NTN1: variants seen among roughly 807,000 people sequenced by gnomAD.
NTN1 encodes netrin-1.
In NTN1, 11 loss-of-function variants were observed where a neutral mutation model predicts 54.2. That is an observed-to-expected ratio of 0.20 (90% confidence interval 0.13 to 0.34). The LOEUF is 0.34. Among genes scored for constraint, NTN1 ranks in the 10% least tolerant of loss-of-function variants. NTN1 has a pLI of 1.00. For missense variants in NTN1, 740 were observed against 893.1 expected (o/e 0.83, Z 2.18); for synonymous variants, 371 against 382.0 (o/e 0.97, Z 0.33).
chr17:9,099,842 A>T (rs1170768325), intron 2 of NTN1, among the ~76,000 whole-genome samples: 1 of 152,228 alleles, frequency 6.6e-6, no homozygotes, highest in Non-Finnish European at 1.5e-5. Flanking sequence ...CAAAAAATTA[A>T]ATCACCTTTT....
At chr17:9,051,767 C>A (rs1567698847) in intron 2 of NTN1, among the ~76,000 whole-genome samples, 1 of 152,128 alleles carries the variant, frequency 6.6e-6, no homozygotes. Context: ...CCAGACTGTA[C>A]AATAGATCTT....
chr17:9,223,664 C>T (rs866202499), intron 6 of NTN1, among the ~76,000 whole-genome samples: 6 of 152,222 alleles, frequency 3.9e-5, no homozygotes, highest in African/African-American at 1.4e-4. Flanking sequence ...GGCCATGGGG[C>T]AGGCCTCTCT....
chr17:9,059,648 G>T (rs1195420083), intron 2 of NTN1, among the ~76,000 whole-genome samples: 1 of 152,144 alleles, frequency 6.6e-6, no homozygotes. Context: ...GCCAGGGGCG[G>T]GAGGAAGGGG....
At chr17:9,083,689 C>G (rs573886488) in intron 2 of NTN1, among the ~76,000 whole-genome samples, 2 of 152,072 alleles carry the variant, frequency 1.3e-5, no homozygotes, top group South Asian at 2.1e-4. Context: ...GAACACCCAC[C>G]AAAGGATGAT....
In NTN1 at chr17:9,066,737, C is replaced by T. The variant is rs985180541; in HGVS notation, c.1018+43346C>T. On this transcript the variant is annotated intron_variant, in intron 2 of 6. Transcript: ENST00000173229. ...CGTTGTGGCCAGTTGCAGTGGTTCA[C>T]GCCTTTAATCCCAGCACTTTGGGAG... Among the ~76,000 whole-genome samples, 169 of 152,244 alleles carry T rather than the reference C, an allele frequency of 1.1e-3. 1 individual carries two copies. Among genetic ancestry groups the T allele is most frequent in the African/African-American group, 3.9e-3 (161 of 41,548 alleles).
chr17:9,058,532 T>G (rs952366632), intron 2 of NTN1, among the ~76,000 whole-genome samples: 1 of 151,632 alleles, frequency 6.6e-6, no homozygotes, highest in Non-Finnish European at 1.5e-5. Flanking sequence ...GCCTCACTTT[T>G]CTTATCCATA....
chr17:9,074,603 G>T (rs771825185), intron 2 of NTN1, among the ~76,000 whole-genome samples: 1 of 152,218 alleles, frequency 6.6e-6, no homozygotes, highest in Non-Finnish European at 1.5e-5. Context: ...CACTTTAGGA[G>T]CCACCTGGGG....
chr17:9,235,731 CTTTCTTCTTTTTTTT>C (rs1277808416), intron 6 of NTN1, among the ~76,000 whole-genome samples: 104 of 129,082 alleles, frequency 8.1e-4, no homozygotes, highest in Non-Finnish European at 2.2e-4. Flanking sequence ...GCCTCTTCTT[CTTTCTTCTTTTTTTT>C]TTTCTTTTTT....
chr17:9,121,920 C>T (rs2092232697), intron 2 of NTN1, among the ~76,000 whole-genome samples: 1 of 152,204 alleles, frequency 6.6e-6, no homozygotes, highest in African/African-American at 2.4e-5. Flanking sequence ...CAATACCCTC[C>T]AATCTGCCAG....
chr17:9,138,630 G>A (rs1381591744), intron 2 of NTN1, among the ~76,000 whole-genome samples: 1 of 152,242 alleles, frequency 6.6e-6, no homozygotes, highest in Non-Finnish European at 1.5e-5. Context: ...CTTATTGGGT[G>A]TGCTGACAGC....
intron 2 of NTN1, among the ~76,000 whole-genome samples, chr17:9,046,979 G>C (rs2091943262): frequency 6.6e-6 from 1 of 152,170 alleles, no homozygotes; most frequent in Non-Finnish European, 1.5e-5. Context: ...TGGTCTCCCA[G>C]TGCATATAAA....
the NTN1 span, among the ~76,000 whole-genome samples, chr17:9,008,923 C>T: frequency 3.9e-5 from 6 of 152,152 alleles, no homozygotes; most frequent in African/African-American, 1.4e-4. Flanking sequence ...TGCCTGTAGT[C>T]CCAGCTACCT....
In NTN1 at chr17:9,036,417, A is replaced by G. The variant is rs755361762; in HGVS notation, c.1018+13026A>G. Among the ~76,000 whole-genome samples, 108 of 123,512 alleles carry G rather than the reference A, an allele frequency of 8.7e-4. 1 individual carries two copies. Among genetic ancestry groups the G allele is most frequent in the Non-Finnish European group, 1.2e-3 (77 of 62,644 alleles). 81.0% of individuals were successfully genotyped at this position (123,512 alleles called of 152,430 possible). A position where few individuals can be genotyped will look rare whatever the true frequency, so the allele number is the denominator to read the frequency against. On this transcript the variant is annotated intron_variant, in intron 2 of 6. Transcript: ENST00000173229. ...TTTTTTTTTTTTTTTTTTTGTAGAG[A>G]CAGGGTCTCGCTCTGTCATCCAGTC... is the stretch of plus-strand genomic sequence containing the variant.
At chr17:9,133,514 GCTTAATTC>G (rs2092271908) in intron 2 of NTN1, among the ~76,000 whole-genome samples, 1 of 152,086 alleles carries the variant, frequency 6.6e-6, no homozygotes, top group African/African-American at 2.4e-5. Flanking sequence ...CAGGGCGCAT[GCTTAATTC>G]TTGTCCTGGC....
chr17:9,206,236 G>T (rs1177271419), intron 5 of NTN1, among the ~76,000 whole-genome samples: 1 of 152,204 alleles, frequency 6.6e-6, no homozygotes, highest in Non-Finnish European at 1.5e-5. Context: ...AGGGCTTTTT[G>T]CAGTCCCAAA....
At chr17:9,072,568 G>A (rs1022419371) in intron 2 of NTN1, among the ~76,000 whole-genome samples, 18 of 152,172 alleles carry the variant, frequency 1.2e-4, no homozygotes, top group African/African-American at 2.9e-4. Context: ...GTAGCTTTGC[G>A]TGCCCGCCTC....
chr17:9,110,184 C>T (rs72811928), intron 2 of NTN1, among the ~76,000 whole-genome samples: 13,546 of 152,102 alleles, frequency 0.089, 769 homozygotes, highest in Non-Finnish European at 0.12. Context: ...GGTGTGTATC[C>T]GTGAGAAAAC....
chr17:9,198,642 C>T (rs1904701356), intron 5 of NTN1, among the ~76,000 whole-genome samples: 1 of 152,192 alleles, frequency 6.6e-6, no homozygotes, highest in Non-Finnish European at 1.5e-5. Flanking sequence ...TGTCCTCCCT[C>T]CTGTGTCCAG....
intron 2 of NTN1, among the ~76,000 whole-genome samples, chr17:9,032,635 A>G (rs2091891423): frequency 6.6e-6 from 1 of 152,226 alleles, no homozygotes; most frequent in Non-Finnish European, 1.5e-5. Context: ...CATGAAAAAG[A>G]AAACACATTG....
Sources: gnomAD v4.1 joint callset for allele counts (sites outside exome capture counted in the v4.1 genomes callset) on GRCh38, gnomAD v4.1.1 for gene constraint, MANE v1.5 for transcripts, NCBI Gene and HGNC (gene_info 2026-07-23, HGNC 2026-07-21) for gene names.